Variants in PTPRA observed in about 807,000 individuals in gnomAD.
PTPRA encodes receptor-type tyrosine-protein phosphatase alpha.
Under a neutral mutation model 104.8 loss-of-function variants are expected in PTPRA, and 25 were observed. The ratio of observed to expected loss-of-function variants is 0.24; its 90% CI spans 0.17 to 0.33. The LOEUF (loss-of-function observed/expected upper bound fraction) is 0.33, where lower values mean the gene tolerates loss of function less well. Among genes scored for constraint, PTPRA ranks in the 10% least tolerant of loss-of-function variants. The pLI, the probability that PTPRA is intolerant of heterozygous loss-of-function variation, is 1.00. For synonymous variants in PTPRA, 323 were observed against 368.9 expected (o/e 0.88, Z 1.43); for missense variants, 765 against 1,015.3 (o/e 0.75, Z 3.35).
At chr20:2,962,786 T>C (rs780585010) in intron 3 of PTPRA, among the ~76,000 whole-genome samples, 7 of 152,230 alleles carry the variant, frequency 4.6e-5, no homozygotes, top group Non-Finnish European at 1.0e-4. Flanking sequence ...AGGCCACTGC[T>C]GAACCCATTT....
chr20:2,954,056 T>A (rs1426635750), intron 3 of PTPRA, among the ~76,000 whole-genome samples: 3 of 150,336 alleles, frequency 2.0e-5, no homozygotes, highest in African/African-American at 2.4e-5. Context: ...TCTACAGGCA[T>A]GTGCCACCAT....
At chr20:2,887,607 C>T (rs1183199933) in intron 1 of PTPRA, among the ~76,000 whole-genome samples, 1 of 152,064 alleles carries the variant, frequency 6.6e-6, no homozygotes, top group African/African-American at 2.4e-5. Context: ...TGAAACCTGG[C>T]CCCTGTGAAT....
Position 2,923,217 on chromosome 20 carries a change from T to TG in PTPRA, c.-118_-117insG. 2 of 1,201,798 alleles carry TG rather than the reference T, an allele frequency of 1.7e-6. No individual in the cohort carries two copies. The highest frequency in any genetic ancestry group is 1.2e-4 in the East Asian group (2 of 16,944). The allele number at this position is 1,201,798 out of a possible 1,614,324, so 74.4% of individuals were successfully genotyped here. ...TTCCTTTTGTTGCAGGTGACACAAC[T>TG]AAAAAAAAACAAAGGTATTTATGGA... On this transcript the variant is annotated 5_prime_UTR_variant, in exon 2 of 24. Coordinates refer to ENST00000399903, the MANE Select transcript of PTPRA (RefSeq NM_001385305.1).
In PTPRA at chr20:2,978,688, T is replaced by A. The variant is rs150473697; in HGVS notation, c.442+3447T>A. Among the ~76,000 whole-genome samples the A allele has an allele frequency of 4.9e-3, 741 of 152,294 alleles. 4 individuals are homozygous for A. The highest frequency in any genetic ancestry group is 0.017 in the African/African-American group (711 of 41,558). ...CTGGCCTGAATCTAGAAAGTAAAACTTTGCTGGAATGAAGTTGGGGTTGAA... is the reference window on the plus strand; with the variant it reads ...CTGGCCTGAATCTAGAAAGTAAAACATTGCTGGAATGAAGTTGGGGTTGAA... On this transcript the variant is annotated intron_variant, in intron 6 of 23. Coordinates refer to ENST00000399903, the MANE Select transcript of PTPRA (RefSeq NM_001385305.1).
At chr20:2,898,059 C>T (rs1309055362) in intron 1 of PTPRA, among the ~76,000 whole-genome samples, 4 of 151,578 alleles carry the variant, frequency 2.6e-5, no homozygotes, top group Non-Finnish European at 5.9e-5. Flanking sequence ...ATTGTAGGCA[C>T]CTGCCACCAC....
At chr20:2,943,107 T>C (rs1237435891) in intron 2 of PTPRA, among the ~76,000 whole-genome samples, 1 of 151,712 alleles carries the variant, frequency 6.6e-6, no homozygotes, top group African/African-American at 2.4e-5. Flanking sequence ...ACCCTACAGA[T>C]TACAACACAT....
chr20:3,026,587 G>A, intron 17 of PTPRA, 100 bp from the exon 18 acceptor site: 1 of 853,706 alleles, frequency 1.2e-6, no homozygotes, highest in Non-Finnish European at 1.9e-6. Flanking sequence ...GAGCAGTATG[G>A]AGCCAGAGTG....
At chr20:2,920,386 A>T (rs1394998424) in intron 1 of PTPRA, among the ~76,000 whole-genome samples, 1 of 152,134 alleles carries the variant, frequency 6.6e-6, no homozygotes, top group Admixed American at 6.6e-5. Flanking sequence ...GCTTAAAACC[A>T]AACAAAACCA....
Position 3,022,166 on chromosome 20 carries a change from A to G in PTPRA, c.1274A>G (p.Lys425Arg), listed in dbSNP as rs748789398. Residue 425 changes from lysine to arginine, a missense_variant, in exon 15 of 24, where the codon AAG (lysine) becomes AGG (arginine). Coordinates refer to ENST00000399903, the MANE Select transcript of PTPRA (RefSeq NM_001385305.1). The surrounding 1 kb of genome is among the most constrained non-coding windows in gnomAD (Gnocchi z 4.6). Reference sequence around the variant, plus strand: ...CCGATCGGCATGCTCAAGTTCCTCAAGAAGGTGAAGGCCTGTAACCCTCAG... The same window carrying G: ...CCGATCGGCATGCTCAAGTTCCTCAGGAAGGTGAAGGCCTGTAACCCTCAG... The part of the protein sequence containing the change: ...FTPIGMLKFL[K>R]KVKACNPQYA... 6.2e-7 allele frequency: 1 copy of G among 1,614,198 alleles called. No individual in the cohort carries two copies. The highest frequency in any genetic ancestry group is 1.7e-5 in the Admixed American group (1 of 60,024).
chr20:2,959,327 T>A (rs1403618736), intron 3 of PTPRA, among the ~76,000 whole-genome samples: 1 of 152,200 alleles, frequency 6.6e-6, no homozygotes, highest in African/African-American at 2.4e-5. Flanking sequence ...ACTGGATATT[T>A]CATATGATTG....
At chr20:2,877,350 C>T (rs971400735) in intron 1 of PTPRA, among the ~76,000 whole-genome samples, 4 of 152,172 alleles carry the variant, frequency 2.6e-5, no homozygotes, top group East Asian at 1.9e-4. Context: ...ACTTTTGCCT[C>T]CTGGGTTCAA....
At chr20:2,866,394 G>C in the PTPRA span, 1 of 1,614,082 alleles carries the variant, frequency 6.2e-7, no homozygotes, top group Non-Finnish European at 8.5e-7. Flanking sequence ...CCCTTGAGCA[G>C]CCCCAACACC....
intron 1 of PTPRA, among the ~76,000 whole-genome samples, chr20:2,899,305 A>G (rs1236960548): frequency 6.6e-6 from 1 of 152,226 alleles, no homozygotes; most frequent in East Asian, 1.9e-4. Flanking sequence ...ATAGGTATGA[A>G]TGACACAGAG....
At chr20:2,935,752 C>T (rs1239090993) in intron 2 of PTPRA, among the ~76,000 whole-genome samples, 4 of 152,122 alleles carry the variant, frequency 2.6e-5, no homozygotes, top group African/African-American at 9.7e-5. Flanking sequence ...TGGTGGCTCA[C>T]GCCTGTAATC....
At position 2,910,610 on chromosome 20, in the gene PTPRA, A is replaced by AAT. The variant is rs2059686160; in HGVS notation, c.-128-12597_-128-12596insAT. 7.3e-4 allele frequency among the ~76,000 whole-genome samples: 33 copies of AAT among 45,380 alleles called. 1 individual carries two copies. Among genetic ancestry groups the AAT allele is most frequent in the African/African-American group, 3.1e-3 (32 of 10,170 alleles). 29.8% of individuals were successfully genotyped at this position (45,380 alleles called of 152,430 possible). On this transcript the variant is annotated intron_variant, in intron 1 of 23. Coordinates refer to ENST00000399903, the MANE Select transcript of PTPRA (RefSeq NM_001385305.1). ...TTTTGTTTTTTTTTTGTTTTTTTTA[A>AAT]TTTTTTTTTTTTTTTTAAGACGGAG... is the stretch of plus-strand genomic sequence containing the variant.
At chr20:2,905,168 A>G (rs1430685699) in intron 1 of PTPRA, among the ~76,000 whole-genome samples, 1 of 152,196 alleles carries the variant, frequency 6.6e-6, no homozygotes, top group Non-Finnish European at 1.5e-5. Flanking sequence ...TGATGATCTG[A>G]GGTGTTGCAG....
chr20:2,896,992 A>G (rs977520027), intron 1 of PTPRA, among the ~76,000 whole-genome samples: 40 of 152,178 alleles, frequency 2.6e-4, no homozygotes, highest in Non-Finnish European at 4.4e-5. Flanking sequence ...GGTTAGTCTG[A>G]TGTTTCCTTT....
At chr20:2,910,996 T>A (rs886116706) in intron 1 of PTPRA, among the ~76,000 whole-genome samples, 1 of 150,242 alleles carries the variant, frequency 6.7e-6, no homozygotes, top group African/African-American at 2.4e-5. Flanking sequence ...GGTCAAACAG[T>A]GCTCCTGCCT....
rs746479592 is a variant in PTPRA at position 2,964,899 on chromosome 20, T to C, written c.112T>C (p.Ser38Pro). The C allele has an allele frequency of 6.2e-7, 1 of 1,614,082 alleles. No individual in the cohort carries two copies. The highest frequency in any genetic ancestry group is 1.1e-5 in the South Asian group (1 of 91,082). ...SVGITRLINS[S>P]TAEPVKEEAK... ...AGGAATTACAAGATTAATTAACTCATCAACGGCAGAACCAGTTAAAGAAGA... is the reference window on the plus strand; with the variant it reads ...AGGAATTACAAGATTAATTAACTCACCAACGGCAGAACCAGTTAAAGAAGA... Residue 38 changes from serine (S) to proline (P), a missense_variant, in exon 5 of 24, where the codon TCA (serine) becomes CCA (proline). Coordinates refer to ENST00000399903, the MANE Select transcript of PTPRA (RefSeq NM_001385305.1).
Sources: gnomAD v4.1 joint callset for allele counts (sites outside exome capture counted in the v4.1 genomes callset) on GRCh38, gnomAD v4.1.1 for gene constraint, Gnocchi (gnomAD v3.1) non-coding constraint, MANE v1.5 for transcripts, NCBI Gene and HGNC (gene_info 2026-07-23, HGNC 2026-07-21) for gene names.